Variants in ANKS1B observed in about 807,000 individuals in gnomAD.
ANKS1B encodes the protein ankyrin repeat and sterile alpha motif domain containing 1B.
In ANKS1B, 36 loss-of-function variants were observed where a neutral mutation model predicts 148.3. That is an observed-to-expected ratio of 0.24 (90% CI 0.19 to 0.32). The LOEUF is 0.32. ANKS1B is among the 10% of genes least tolerant of loss of function. ANKS1B has a pLI of 1.00. For synonymous variants in ANKS1B, 542 were observed against 560.8 expected (o/e 0.97, Z 0.47); for missense variants, 1,157 against 1,542.6 (o/e 0.75, Z 4.19).
chr12:99,237,776 G>A (rs1201209010), intron 14 of ANKS1B, among the ~76,000 whole-genome samples: 1 of 152,174 alleles, frequency 6.6e-6, no homozygotes, highest in Non-Finnish European at 1.5e-5. Flanking sequence ...GTGTGTGCAT[G>A]TGTGTCTATA....
intron 9 of ANKS1B, among the ~76,000 whole-genome samples, chr12:99,529,847 C>T (rs2096969302): frequency 6.6e-6 from 1 of 152,132 alleles, no homozygotes; most frequent in African/African-American, 2.4e-5. Flanking sequence ...CCAGGAGTTC[C>T]CATCATTCTG....
intron 1 of ANKS1B, among the ~76,000 whole-genome samples, chr12:99,888,863 T>C (rs2092955629): frequency 6.6e-6 from 1 of 152,040 alleles, no homozygotes; most frequent in Non-Finnish European, 1.5e-5. Context: ...TTTCAAATTG[T>C]ATCTCTTTCA....
intron 1 of ANKS1B, among the ~76,000 whole-genome samples, chr12:99,885,691 A>G (rs1340247474): frequency 6.6e-6 from 1 of 151,910 alleles, no homozygotes. Flanking sequence ...GTTTTAGTGT[A>G]CCTGCCACCC....
chr12:99,465,053 T>G (rs1595345429), intron 10 of ANKS1B, among the ~76,000 whole-genome samples: 1 of 152,156 alleles, frequency 6.6e-6, no homozygotes, highest in Admixed American at 6.5e-5. Context: ...AAAGGTCGGG[T>G]TACCCACAAA....
chr12:99,963,320 T>C (rs1336684929), intron 1 of ANKS1B, among the ~76,000 whole-genome samples: 2 of 152,218 alleles, frequency 1.3e-5, no homozygotes, highest in African/African-American at 4.8e-5. Flanking sequence ...ACTCCGATGA[T>C]AGTTTCTTTC....
At chr12:98,988,013 A>G (rs2099924429) in intron 17 of ANKS1B, among the ~76,000 whole-genome samples, 1 of 152,226 alleles carries the variant, frequency 6.6e-6, no homozygotes, top group South Asian at 2.1e-4. Flanking sequence ...ATAAAATTGT[A>G]TGTATTTATT....
chr12:98,953,882 C>T (rs1416706134), intron 17 of ANKS1B, among the ~76,000 whole-genome samples: 1 of 152,036 alleles, frequency 6.6e-6, no homozygotes, highest in African/African-American at 2.4e-5. Flanking sequence ...TTTTATTTTC[C>T]AGTTTACTCC....
chr12:98,939,332 T>C (rs968136593), intron 17 of ANKS1B, among the ~76,000 whole-genome samples: 2 of 152,248 alleles, frequency 1.3e-5, no homozygotes, highest in Non-Finnish European at 2.9e-5. Flanking sequence ...GCATACTAAT[T>C]TGGGCATTGC....
intron 4 of ANKS1B, among the ~76,000 whole-genome samples, chr12:99,801,342 G>A (rs1243155512): frequency 6.6e-6 from 1 of 152,128 alleles, no homozygotes; most frequent in Non-Finnish European, 1.5e-5. Context: ...TGAACTAAAT[G>A]AAAACCAAAA....
chr12:98,860,957 T>G (rs1366550684), intron 17 of ANKS1B, among the ~76,000 whole-genome samples: 4 of 152,206 alleles, frequency 2.6e-5, no homozygotes, highest in Non-Finnish European at 4.4e-5. Flanking sequence ...TTCCTCTTCA[T>G]TGATATAATT....
At chr12:98,925,093 G>A (rs932253072) in intron 17 of ANKS1B, among the ~76,000 whole-genome samples, 1 of 152,174 alleles carries the variant, frequency 6.6e-6, no homozygotes, top group Non-Finnish European at 1.5e-5. Context: ...TGAGAATAAT[G>A]AGCTACAGCA....
intron 14 of ANKS1B, among the ~76,000 whole-genome samples, chr12:99,200,065 A>T (rs1046770506): frequency 1.3e-5 from 2 of 152,214 alleles, no homozygotes; most frequent in African/African-American, 4.8e-5. Context: ...TTGAGTTAAC[A>T]CAGATACACT....
chr12:99,052,685 G>C (rs1413436815), intron 17 of ANKS1B, among the ~76,000 whole-genome samples: 19 of 124,268 alleles, frequency 1.5e-4, no homozygotes, highest in Admixed American at 2.9e-4. Context: ...CCGAGATTGC[G>C]CCACTGCAGT....
At chr12:98,945,505 CAAAAAA>C (rs3051086) in intron 17 of ANKS1B, among the ~76,000 whole-genome samples, 20 of 30,294 alleles carry the variant, frequency 6.6e-4, no homozygotes, top group East Asian at 6.3e-3. Flanking sequence ...AACAAACAAA[CAAAAAA>C]AAAAAAAAAA....
intron 16 of ANKS1B, among the ~76,000 whole-genome samples, chr12:99,058,422 A>AT (rs1369329384): frequency 1.3e-5 from 2 of 151,360 alleles, no homozygotes; most frequent in East Asian, 3.9e-4. Flanking sequence ...TTTCTTTTGT[A>AT]TTTTTAGTTG....
At chr12:99,638,497 T>C (rs2098266817) in intron 9 of ANKS1B, among the ~76,000 whole-genome samples, 1 of 152,144 alleles carries the variant, frequency 6.6e-6, no homozygotes, top group Non-Finnish European at 1.5e-5. Context: ...GTCCTAGAGA[T>C]TTGTAGAACT....
intron 17 of ANKS1B, among the ~76,000 whole-genome samples, chr12:98,997,496 G>A (rs1236620010): frequency 1.3e-5 from 2 of 151,482 alleles, no homozygotes; most frequent in East Asian, 3.9e-4. Context: ...CTGCCTCCTG[G>A]GTTCAAGCGG....
chr12:99,904,680 A>C (rs988051484), intron 1 of ANKS1B, among the ~76,000 whole-genome samples: 1 of 152,200 alleles, frequency 6.6e-6, no homozygotes, highest in African/African-American at 2.4e-5. Flanking sequence ...ACCATAATGG[A>C]GCATCTGCAA....
chr12:99,468,370 T>C (rs569538508), intron 10 of ANKS1B, among the ~76,000 whole-genome samples: 8 of 152,312 alleles, frequency 5.3e-5, no homozygotes, highest in African/African-American at 1.9e-4. Flanking sequence ...ATTCAGGACA[T>C]AGGCATGGGC....
Sources: allele counts gnomAD v4.1 joint callset (sites outside exome capture counted in the v4.1 genomes callset), GRCh38; gene constraint gnomAD v4.1.1; transcripts MANE v1.5; gene names NCBI Gene and HGNC (gene_info 2026-07-23, HGNC 2026-07-21).